Variants in FBLN5 observed in about 807,000 individuals in gnomAD.
FBLN5 encodes the protein fibulin 5.
A neutral mutation model predicts 61.6 loss-of-function variants in FBLN5; 24 were observed. The observed-to-expected ratio is 0.39, with a 90% CI of 0.28 to 0.55. The LOEUF (loss-of-function observed/expected upper bound fraction) is 0.55. FBLN5 is among the 20% of genes least tolerant of loss of function. The pLI is 0.65. For synonymous variants in FBLN5, 213 were observed against 219.8 expected (o/e 0.97, Z 0.27); for missense variants, 470 against 594.1 (o/e 0.79, Z 2.17).
Position 91,931,964 on chromosome 14 carries a change from G to T in FBLN5, c.379+4983C>A, listed in dbSNP as rs141322912. 6.5e-3 allele frequency among the ~76,000 whole-genome samples: 994 copies of T among 152,274 alleles called. 9 individuals are homozygous for T. Among genetic ancestry groups the T allele is most frequent in the African/African-American group, 0.022 (919 of 41,546 alleles). ...CTCAGCCCCACACCGTCCTTCTCTG[G>T]GATGTCTATGTGGCCAGCTCAGAAC... On this transcript the variant is annotated intron_variant, in intron 4 of 10. Coordinates refer to ENST00000342058, the MANE Select transcript of FBLN5 (RefSeq NM_006329.4).
chr14:91,878,034 T>C, intron 9 of FBLN5: 3 of 432,460 alleles, frequency 6.9e-6, no homozygotes, highest in Middle Eastern at 3.7e-4. Flanking sequence ...CAAGACCCTG[T>C]CTCAAAAAAA....
At chr14:91,891,431 G>T in intron 5 of FBLN5, 94 bp from the exon 6 acceptor site, 1 of 844,020 alleles carries the variant, frequency 1.2e-6, no homozygotes, top group Non-Finnish European at 2.1e-6. Flanking sequence ...TCCCAAACAG[G>T]ATCATGAACG....
chr14:91,910,217 G>A (rs544998420), intron 4 of FBLN5, among the ~76,000 whole-genome samples: 4 of 152,272 alleles, frequency 2.6e-5, no homozygotes, highest in Admixed American at 6.5e-5. Flanking sequence ...ACTCTAGCAC[G>A]TGCTACAACA....
intron 10 of FBLN5, among the ~76,000 whole-genome samples, chr14:91,876,553 T>C (rs1452291585): frequency 6.6e-6 from 1 of 152,086 alleles, no homozygotes; most frequent in Non-Finnish European, 1.5e-5. Context: ...CTCGCAGGTG[T>C]TAATATAAGA....
Position 91,877,793 on chromosome 14 carries a change from A to T in FBLN5, c.990-111T>A, listed in dbSNP as rs931210534. 36 of 816,148 alleles carry T rather than the reference A, an allele frequency of 4.4e-5. No homozygotes were observed. The Admixed American group carries it at 4.4e-4, about 10-fold the overall frequency. The allele number at this position is 816,148 out of a possible 1,614,324, so 50.6% of individuals were successfully genotyped here. A position where few individuals can be genotyped will look rare whatever the true frequency, so the allele number is the denominator to read the frequency against. On this transcript the variant is annotated intron_variant, in intron 9 of 10. Coordinates refer to ENST00000342058, the MANE Select transcript of FBLN5 (RefSeq NM_006329.4). ...TGAGGCCACCCCATTTTTAGCATCC[A>T]AATGCCATAACTGTAGAATGTCTCT...
At chr14:91,898,251 C>T (rs1890306581) in intron 4 of FBLN5, among the ~76,000 whole-genome samples, 1 of 151,980 alleles carries the variant, frequency 6.6e-6, no homozygotes, top group East Asian at 1.9e-4. Context: ...CCTGAAAACA[C>T]ACCTGGTGTA....
Position 91,882,170 on chromosome 14 carries a change from AG to A in FBLN5, c.863-753del, listed in dbSNP as rs1045116751. Among the ~76,000 whole-genome samples, 6 of 152,212 alleles carry A rather than the reference AG, an allele frequency of 3.9e-5. No homozygotes were observed. Among genetic ancestry groups the A allele is most frequent in the Admixed American group, 3.3e-4 (5 of 15,286 alleles). On this transcript the variant is annotated intron_variant, in intron 8 of 10. Transcript: ENST00000342058. This position sits in a 1 kb window ranked among gnomAD's most constrained non-coding sequence, Gnocchi z 4.9. Reference sequence around the variant, plus strand: ...AGACTCTGTCACAAAAAGAAAAAAAAGAAAGAAAGAAAAGAAAATATAGTAG... The same window carrying A: ...AGACTCTGTCACAAAAAGAAAAAAAAAAAGAAAGAAAAGAAAATATAGTAG...
At chr14:91,875,055 C>A (rs906404702) in intron 10 of FBLN5, among the ~76,000 whole-genome samples, 1 of 152,134 alleles carries the variant, frequency 6.6e-6, no homozygotes, top group African/African-American at 2.4e-5. Flanking sequence ...GACTTGAACT[C>A]CCGGGCTCCA....
At chr14:91,936,615 G>A (rs1408826321) in intron 4 of FBLN5, among the ~76,000 whole-genome samples, 1 of 152,088 alleles carries the variant, frequency 6.6e-6, no homozygotes, top group African/African-American at 2.4e-5. Context: ...CAGATGTATT[G>A]GTTATTTGAG....
At chr14:91,905,059 C>A (rs940069684) in intron 4 of FBLN5, among the ~76,000 whole-genome samples, 3 of 152,278 alleles carry the variant, frequency 2.0e-5, no homozygotes, top group African/African-American at 7.2e-5. Context: ...CGTGAGAATA[C>A]CCAGGTGTGC....
At chr14:91,896,721 G>T (rs766345769) in intron 4 of FBLN5, among the ~76,000 whole-genome samples, 16 of 152,134 alleles carry the variant, frequency 1.1e-4, no homozygotes, top group Non-Finnish European at 2.4e-4. Context: ...GCAGATTCAG[G>T]GGGGAGCTGG....
Position 91,941,780 on chromosome 14 carries a change from T to TGG in FBLN5, c.72+1125_72+1126dup, listed in dbSNP as rs11424695. ...TGCCTCAGTTTCCCCATCTGTAAAA[T>TGG]GGGGGGGTATGTACGTAGTTCAAAA... is the stretch of plus-strand genomic sequence containing the variant. On this transcript the variant is annotated intron_variant, in intron 2 of 10. Coordinates refer to ENST00000342058, the MANE Select transcript of FBLN5 (RefSeq NM_006329.4). Among the ~76,000 whole-genome samples the TGG allele has an allele frequency of 4.1e-4, 62 of 151,820 alleles. No individual in the cohort carries two copies. In the East Asian group the frequency reaches 5.8e-3, roughly 14 times the overall value.
At chr14:91,879,521 C>T (rs755416848) in intron 9 of FBLN5, among the ~76,000 whole-genome samples, 1 of 152,190 alleles carries the variant, frequency 6.6e-6, no homozygotes, top group Non-Finnish European at 1.5e-5. Flanking sequence ...CCACCAGTAA[C>T]TCCAGCTCAG....
At chr14:91,936,340 C>CA (rs1172104598) in intron 4 of FBLN5, among the ~76,000 whole-genome samples, 15 of 152,256 alleles carry the variant, frequency 9.9e-5, no homozygotes, top group African/African-American at 3.4e-4. Context: ...ACCTTGGTCA[C>CA]ACCCCTTGCC....
intron 4 of FBLN5, among the ~76,000 whole-genome samples, chr14:91,929,005 C>T (rs1301814494): frequency 6.6e-6 from 1 of 151,402 alleles, no homozygotes; most frequent in African/African-American, 2.4e-5. Flanking sequence ...TTGCAGTGAG[C>T]CAAGATCGTG....
chr14:91,934,604 C>T (rs1436939212), intron 4 of FBLN5, among the ~76,000 whole-genome samples: 1 of 152,184 alleles, frequency 6.6e-6, no homozygotes, highest in African/African-American at 2.4e-5. Context: ...TCCTAGAACA[C>T]TAAAGTTTCA....
chr14:91,929,206 A>G (rs2055884039), intron 4 of FBLN5, among the ~76,000 whole-genome samples: 1 of 151,914 alleles, frequency 6.6e-6, no homozygotes. Context: ...TATGATTTTG[A>G]AGGTTTCAAA....
chr14:91,887,418 G>A (rs1052282254), intron 6 of FBLN5, 106 bp from the exon 7 acceptor site: 1 of 1,168,584 alleles, frequency 8.6e-7, no homozygotes, highest in Non-Finnish European at 1.3e-6. Context: ...CAGGAGACCA[G>A]AGTCCCAGGT....
At chr14:91,870,428 T>A in intron 10 of FBLN5, 43 bp from the exon 11 acceptor site, 1 of 1,608,676 alleles carries the variant, frequency 6.2e-7, no homozygotes, top group Non-Finnish European at 8.5e-7. Context: ...AAGGCCTGCA[T>A]GGTGGCCCTG....
Sources: gnomAD v4.1 joint callset for allele counts (sites outside exome capture counted in the v4.1 genomes callset) on GRCh38, gnomAD v4.1.1 for gene constraint, Gnocchi (gnomAD v3.1) non-coding constraint, MANE v1.5 for transcripts, NCBI Gene and HGNC (gene_info 2026-07-23, HGNC 2026-07-21) for gene names.